LY75: variants seen among roughly 807,000 people sequenced by gnomAD.
LY75 encodes the protein C-type lectin domain family 13 member B.
A neutral mutation model predicts 231.7 loss-of-function variants in LY75; 185 were observed. That is an observed-to-expected ratio of 0.80 (90% CI 0.71 to 0.90). The LOEUF is 0.90. Among genes scored for constraint, LY75 ranks in the 40% least tolerant of loss-of-function variants. The pLI is 0.00. For synonymous variants in LY75, 668 were observed against 689.0 expected (o/e 0.97, Z 0.48); for missense variants, 1,947 against 2,050.2 (o/e 0.95, Z 0.97).
intron 28 of LY75, among the ~76,000 whole-genome samples, chr2:159,830,025 T>C (rs1375828095): frequency 6.6e-6 from 1 of 152,146 alleles, no homozygotes; most frequent in Admixed American, 6.5e-5. Flanking sequence ...TTCCAGCTAG[T>C]TTTTCTCCAT....
At chr2:159,886,330 G>A in intron 5 of LY75, 90 bp downstream of exon 5, 1 of 1,367,192 alleles carries the variant, frequency 7.3e-7, no homozygotes, top group Non-Finnish European at 9.6e-7. Context: ...CTGCCAAGAT[G>A]TGAAACTTTT....
chr2:159,887,211 T>TCTCACACA (rs1553812719), intron 4 of LY75, among the ~76,000 whole-genome samples: 3 of 129,978 alleles, frequency 2.3e-5, no homozygotes, highest in African/African-American at 2.8e-5. Context: ...AGAGTGAGAG[T>TCTCACACA]CACACACACA....
At chr2:159,892,104 G>A (rs1489414914) in intron 3 of LY75, among the ~76,000 whole-genome samples, 3 of 152,128 alleles carry the variant, frequency 2.0e-5, no homozygotes, top group Non-Finnish European at 4.4e-5. Context: ...TGCCAAATTT[G>A]GGGGGCCCAC....
At chr2:159,875,007 T>C (rs953709534) in intron 12 of LY75, among the ~76,000 whole-genome samples, 2 of 144,224 alleles carry the variant, frequency 1.4e-5, no homozygotes, top group African/African-American at 5.1e-5. Context: ...ATATATATTG[T>C]ATATATAAAT....
chr2:159,885,612 T>A (rs1030516550), intron 5 of LY75, among the ~76,000 whole-genome samples: 1 of 152,182 alleles, frequency 6.6e-6, no homozygotes, highest in Non-Finnish European at 1.5e-5. Flanking sequence ...CTCCATAAAA[T>A]AAAAATATTA....
intron 28 of LY75, among the ~76,000 whole-genome samples, chr2:159,821,476 C>T (rs996403811): frequency 5.3e-5 from 8 of 151,740 alleles, no homozygotes; most frequent in African/African-American, 1.2e-4. Flanking sequence ...ATTAGCTGGG[C>T]GTGGTGGCGG....
chr2:159,900,184 C>T (rs1422420113), intron 1 of LY75, among the ~76,000 whole-genome samples: 2 of 152,106 alleles, frequency 1.3e-5, no homozygotes, highest in Non-Finnish European at 2.9e-5. Flanking sequence ...GGCAAAGACC[C>T]CAGTAAGGAC....
intron 31 of LY75, among the ~76,000 whole-genome samples, chr2:159,811,087 C>T (rs1398519517): frequency 1.3e-5 from 2 of 152,124 alleles, no homozygotes; most frequent in South Asian, 4.2e-4. Context: ...GCTGGCCAGG[C>T]TGGTTTCAAA....
At chr2:159,872,743 C>A in intron 12 of LY75, 150 bp from the exon 13 acceptor site, 1 of 834,834 alleles carries the variant, frequency 1.2e-6, no homozygotes, top group South Asian at 1.9e-5. Flanking sequence ...TACTGAGACA[C>A]AGACAGGTCC....
intron 13 of LY75, among the ~76,000 whole-genome samples, chr2:159,869,930 A>G (rs893923348): frequency 6.6e-6 from 1 of 152,198 alleles, no homozygotes; most frequent in Non-Finnish European, 1.5e-5. Context: ...CAAAGAACCC[A>G]AGAGTTAGTA....
At chr2:159,839,818 C>T (rs1009629953) in intron 25 of LY75, among the ~76,000 whole-genome samples, 1 of 151,840 alleles carries the variant, frequency 6.6e-6, no homozygotes, top group Non-Finnish European at 1.5e-5. Flanking sequence ...CCAGCCTTGC[C>T]AACATGGTGA....
At chr2:159,856,720 T>A (rs1478496775) in intron 16 of LY75, among the ~76,000 whole-genome samples, 1 of 152,154 alleles carries the variant, frequency 6.6e-6, no homozygotes, top group Non-Finnish European at 1.5e-5. Context: ...GTGGAATTAT[T>A]TAGATTTGTT....
chr2:159,893,803 C>T lies in LY75; in HGVS notation c.637+111G>A, dbSNP rs1685830254. 4 of 1,391,668 alleles carry T rather than the reference C, an allele frequency of 2.9e-6. No homozygotes were observed. The South Asian group carries it at 4.4e-5, about 15-fold the overall frequency. The allele number at this position is 1,391,668 out of a possible 1,614,324, so 86.2% of individuals were successfully genotyped here. On this transcript the variant is annotated intron_variant, in intron 3 of 34. Coordinates refer to ENST00000263636, the MANE Select transcript of LY75 (RefSeq NM_002349.4). ...CTCCTCCAAACATACACTTCTTATC[C>T]GGGATAATATTTTTGCAGTCACTTT...
chr2:159,854,412 G>T lies in LY75; in HGVS notation c.2543C>A (p.Ala848Glu), dbSNP rs144501025. Residue 848 changes from alanine (A) to glutamate (E), a missense_variant, in exon 18 of 35, where the codon GCA (alanine) becomes GAA (glutamate). Ala to Glu is a moderately radical substitution (Grantham distance 107). Transcript: ENST00000263636. Reference sequence around the variant, plus strand: ...TAGTCCCACAAAAGATGTTATAGTTGCAAGAAAGCTGTGATTGCTGGCACA... The same window carrying T: ...TAGTCCCACAAAAGATGTTATAGTTTCAAGAAAGCTGTGATTGCTGGCACA... ...LYCASNHSFL[A>E]TITSFVGLKA... 6.5e-7 allele frequency: 1 copy of T among 1,549,384 alleles called. No homozygotes were observed. The highest frequency in any genetic ancestry group is 8.8e-7 in the Non-Finnish European group (1 of 1,141,012).
At chr2:159,831,974 A>T (rs922673065) in intron 27 of LY75, among the ~76,000 whole-genome samples, 188 bp from the exon 28 acceptor site, 4 of 152,266 alleles carry the variant, frequency 2.6e-5, no homozygotes, top group Admixed American at 6.5e-5. Context: ...GGAGTTTTCA[A>T]ATGTTTTGAT....
chr2:159,866,577 C>A (rs1337227863), intron 13 of LY75, among the ~76,000 whole-genome samples: 2 of 152,122 alleles, frequency 1.3e-5, no homozygotes, highest in Non-Finnish European at 2.9e-5. Context: ...TTCAGCTCAT[C>A]GGAGCTCTCT....
At chr2:159,825,431 G>T (rs2556093) in intron 28 of LY75, among the ~76,000 whole-genome samples, 1 of 151,980 alleles carries the variant, frequency 6.6e-6, no homozygotes, top group Admixed American at 6.6e-5. Context: ...CCCTGAATAA[G>T]CCAATAACAA....
At chr2:159,875,336 A>C in intron 12 of LY75, 108 bp downstream of exon 12, 3 of 1,426,964 alleles carry the variant, frequency 2.1e-6, no homozygotes, top group Non-Finnish European at 2.8e-6. Flanking sequence ...AGAGCACTTT[A>C]GTTAGGTTAC....
chr2:159,819,887 A>G lies in LY75; in HGVS notation c.3992T>C (p.Leu1331Pro). The change falls in exon 29 of 35, where the codon CTG becomes CCG. Residue 1331 changes from leucine (L) to proline (P), a missense_variant. Coordinates refer to ENST00000263636, the MANE Select transcript of LY75 (RefSeq NM_002349.4). ...TCCTGCTCTCCAATGTGTATATGAC[A>G]GTGGGGTCTTATCAAACCACATAAG... is the stretch of plus-strand genomic sequence containing the variant. ...KSLMWFDKTP[L>P]SYTHWRAGRP... The G allele has an allele frequency of 1.2e-6, 2 of 1,609,510 alleles. No homozygotes were observed. The highest frequency in any genetic ancestry group is 1.7e-6 in the Non-Finnish European group (2 of 1,178,450).
Sources: gnomAD v4.1 joint callset for allele counts (sites outside exome capture counted in the v4.1 genomes callset) on GRCh38, gnomAD v4.1.1 for gene constraint, MANE v1.5 for transcripts, NCBI Gene and HGNC (gene_info 2026-07-23, HGNC 2026-07-21) for gene names.